Variants in VPS53 observed in about 807,000 individuals in gnomAD.
VPS53 encodes vacuolar protein sorting-associated protein 53 homolog.
Under a neutral mutation model 107.0 loss-of-function variants are expected in VPS53, and 70 were observed. That is an observed-to-expected ratio of 0.65 (90% CI 0.54 to 0.80). The LOEUF is 0.80. Ranked by LOEUF, VPS53 falls within the 30% of genes least tolerant of loss-of-function variation. VPS53 has a pLI of 0.00. For synonymous variants in VPS53, 409 were observed against 393.3 expected, an observed-to-expected ratio of 1.04 and a Z score of -0.47; for missense variants, 917 against 1,049.4, an observed-to-expected ratio of 0.87 and a Z score of 1.74.
At chr17:617,426 C>T (rs1969192825) in intron 11 of VPS53, among the ~76,000 whole-genome samples, 1 of 152,324 alleles carries the variant, frequency 6.6e-6, no homozygotes, top group Non-Finnish European at 1.5e-5. Context: ...TTTTTTGAGA[C>T]AGTCTCACTT....
intron 7 of VPS53, among the ~76,000 whole-genome samples, chr17:633,525 A>G (rs1970050162): frequency 6.6e-6 from 1 of 152,142 alleles, no homozygotes; most frequent in Admixed American, 6.5e-5. Flanking sequence ...ATTTTTTTTC[A>G]GATGAGGGGA....
chr17:678,805 A>C (rs929463754), intron 4 of VPS53, among the ~76,000 whole-genome samples: 1 of 151,758 alleles, frequency 6.6e-6, no homozygotes, highest in African/African-American at 2.4e-5. Context: ...CGCCTGGCTA[A>C]TTTTTTTGTA....
At chr17:623,810 C>G in intron 10 of VPS53, 136 bp from the exon 11 acceptor site, 2 of 931,912 alleles carry the variant, frequency 2.1e-6, no homozygotes, top group Non-Finnish European at 3.0e-6. Flanking sequence ...CTGTTACCAC[C>G]TTAGTCTAAA....
At chr17:579,029 T>G (rs1597332365) in intron 13 of VPS53, among the ~76,000 whole-genome samples, 1 of 139,216 alleles carries the variant, frequency 7.2e-6, no homozygotes, top group Admixed American at 7.2e-5. Context: ...AAAACCTCCC[T>G]CAGGACCTAA....
At chr17:678,931 GC>G (rs56086942) in intron 4 of VPS53, among the ~76,000 whole-genome samples, 152,025 of 152,030 alleles carry the variant, frequency 1, 76,010 homozygotes, top group Middle Eastern at 1. Context: ...GAGCCACCGC[GC>G]CCCCGCCATT....
intron 12 of VPS53, among the ~76,000 whole-genome samples, chr17:597,125 G>A (rs1567661157): frequency 6.6e-6 from 1 of 152,192 alleles, no homozygotes. Context: ...TCTTGTAAAC[G>A]AAATACCTTC....
chr17:537,222 G>A lies in VPS53; in HGVS notation c.1867-46C>T, dbSNP rs370998412. 23 of 1,599,352 alleles carry A rather than the reference G, an allele frequency of 1.4e-5. 1 individual carries two copies. Among genetic ancestry groups the A allele is most frequent in the Non-Finnish European group, 1.8e-5 (21 of 1,170,686 alleles). On this transcript the variant is annotated intron_variant, in intron 17 of 21. Transcript: ENST00000437048. ...GGCGTTGAATCCCTCGCAGGAGAAC[G>A]GTGTCGCCTGTTACTGGGGAAGGGA...
At chr17:672,588 G>A (rs534334563) in intron 4 of VPS53, among the ~76,000 whole-genome samples, 2 of 152,238 alleles carry the variant, frequency 1.3e-5, no homozygotes, top group South Asian at 2.1e-4. Context: ...TCAGAAGAAC[G>A]GCTCATGGAT....
chr17:596,291 C>T (rs999489965), intron 12 of VPS53, among the ~76,000 whole-genome samples: 1 of 152,194 alleles, frequency 6.6e-6, no homozygotes, highest in African/African-American at 2.4e-5. Flanking sequence ...GAGCTCATCT[C>T]TTAGGTATAA....
At chr17:541,181 C>G (rs574217884) in intron 17 of VPS53, among the ~76,000 whole-genome samples, 3 of 152,192 alleles carry the variant, frequency 2.0e-5, no homozygotes, top group Non-Finnish European at 4.4e-5. Flanking sequence ...CAGGCACACA[C>G]GTACACGCTC....
At chr17:705,395 C>T (rs558913485) in intron 2 of VPS53, among the ~76,000 whole-genome samples, 9 of 150,910 alleles carry the variant, frequency 6.0e-5, no homozygotes, top group Non-Finnish European at 1.2e-4. Flanking sequence ...TCCAGACCAG[C>T]CTGGGCAACA....
rs780241242 is a variant in VPS53, at chr17:562,615, T to C, written c.1444A>G (p.Met482Val). 1.9e-6 allele frequency: 3 copies of C among 1,613,922 alleles called. No individual in the cohort carries two copies. Among genetic ancestry groups the C allele is most frequent in the African/African-American group, 2.7e-5 (2 of 74,888 alleles). Residue 482 changes from methionine (M) to valine (V), a missense_variant, in exon 14 of 22, where the codon ATG (methionine) becomes GTG (valine). Met to Val is a conservative substitution (Grantham distance 21). Transcript: ENST00000437048. Reference protein sequence around the residue: ...ADLFVYYKKCMVQCSQLSTGE... With the variant: ...ADLFVYYKKCVVQCSQLSTGE... ...GTACTGAGCTGAGAGCATTGCACCA[T>C]GCACTTCTTGTAGTAGACAAAGAGG...
chr17:601,437 G>C (rs1373696067), intron 12 of VPS53, among the ~76,000 whole-genome samples: 1 of 152,164 alleles, frequency 6.6e-6, no homozygotes, highest in Non-Finnish European at 1.5e-5. Flanking sequence ...CCCGGGGATT[G>C]TTCAGCCTCT....
At chr17:602,531 C>G (rs9915733) in intron 11 of VPS53, among the ~76,000 whole-genome samples, 35,974 of 152,114 alleles carry the variant, frequency 0.24, 4,469 homozygotes, top group Admixed American at 0.33. Flanking sequence ...TCTCAGCTTC[C>G]AAATATGACC....
In VPS53 at chr17:518,988, G is replaced by A. The variant is rs1908513483; in HGVS notation, c.*140C>T. The A allele has an allele frequency of 5.4e-6, 5 of 925,298 alleles. No homozygotes were observed. The East Asian group carries it at 1.4e-4, about 26-fold the overall frequency. 57.3% of individuals were successfully genotyped at this position (925,298 alleles called of 1,614,324 possible). ...AGGAAGTAAGACAGGGCATGGGAGA[G>A]ACTCAGTAACAACCCACATGTCCCA... On this transcript the variant is annotated 3_prime_UTR_variant, in exon 22 of 22. Transcript: ENST00000437048.
intron 4 of VPS53, chr17:676,339 C>T (rs553802041): frequency 1.3e-5 from 2 of 152,368 alleles, no homozygotes; most frequent in Admixed American, 1.3e-4. Context: ...TCAGTGACTT[C>T]TTGTATCAAG....
intron 17 of VPS53, among the ~76,000 whole-genome samples, chr17:540,100 A>G (rs1910506222): frequency 1.3e-5 from 2 of 151,154 alleles, no homozygotes; most frequent in South Asian, 4.2e-4. Context: ...AAAAAAGAAT[A>G]AAAGCACTTA....
At chr17:637,969 CTTG>C (rs1970264861) in intron 7 of VPS53, among the ~76,000 whole-genome samples, 1 of 152,178 alleles carries the variant, frequency 6.6e-6, no homozygotes, top group African/African-American at 2.4e-5. Context: ...CCTGGATATT[CTTG>C]TTAACTTTCT....
chr17:555,797 G>GCTCAGGCTTCTACATCTAACTAC (rs1912291033), intron 15 of VPS53, among the ~76,000 whole-genome samples: 1 of 152,176 alleles, frequency 6.6e-6, no homozygotes, highest in Non-Finnish European at 1.5e-5. Flanking sequence ...ATCTGAATCA[G>GCTCAGGCTTCTACATCTAACTAC]CTCAGGCTTC....
Sources: gnomAD v4.1 joint callset for allele counts (sites outside exome capture counted in the v4.1 genomes callset) on GRCh38, gnomAD v4.1.1 for gene constraint, MANE v1.5 for transcripts, NCBI Gene and HGNC (gene_info 2026-07-23, HGNC 2026-07-21) for gene names.